Variants in COL4A6 observed in about 807,000 individuals in gnomAD.
COL4A6 encodes collagen alpha-6(IV) chain.
In COL4A6, 59 loss-of-function variants were observed where a neutral mutation model predicts 126.7. The observed-to-expected ratio is 0.47, with a 90% CI of 0.38 to 0.58. COL4A6 has a LOEUF of 0.58. Ranked by LOEUF, COL4A6 falls within the 20% of genes least tolerant of loss-of-function variation. The pLI is 0.00. For synonymous variants in COL4A6, 547 were observed against 496.6 expected, an observed-to-expected ratio of 1.10 and a Z score of -1.35; for missense variants, 1,285 against 1,337.3, an observed-to-expected ratio of 0.96 and a Z score of 0.61.
chrX:108,349,922 T>C (rs1042321293), intron 2 of COL4A6, among the ~76,000 whole-genome samples: 1 of 111,946 alleles, frequency 8.9e-6, no homozygotes, highest in African/African-American at 3.2e-5. Flanking sequence ...GTGAGCCACA[T>C]GTTTTTCTGT....
At chrX:108,281,886 G>C (rs1253868248) in intron 3 of COL4A6, among the ~76,000 whole-genome samples, 1 of 110,789 alleles carries the variant, frequency 9.0e-6, no homozygotes, top group Non-Finnish European at 1.9e-5. Context: ...AGAAAAAGAA[G>C]CAATGGGGAA....
chrX:108,339,054 T>C (rs768033295), intron 2 of COL4A6, among the ~76,000 whole-genome samples: 2 of 111,878 alleles, frequency 1.8e-5, no homozygotes, highest in South Asian at 3.8e-4. Context: ...AAAAAAAATG[T>C]TGGGAATCAG....
intron 2 of COL4A6, among the ~76,000 whole-genome samples, chrX:108,416,198 T>G (rs2148255785): frequency 8.9e-6 from 1 of 112,234 alleles, no homozygotes; most frequent in African/African-American, 3.2e-5. Context: ...TGCCACTTGC[T>G]AGCCTTTGAC....
At position 108,157,413 on chromosome X, in the gene COL4A6, G is replaced by T. The variant is rs145750863; in HGVS notation, c.4813-153C>A. On this transcript the variant is annotated intron_variant, in intron 44 of 44. Coordinates refer to ENST00000334504, the MANE Select transcript of COL4A6 (RefSeq NM_033641.4). Reference sequence around the variant, plus strand: ...CCCAGTTCAAGCCAGCATACCAAGAGCTGTGTTTTAGGGGCAGGGGCTGCT... The same window carrying T: ...CCCAGTTCAAGCCAGCATACCAAGATCTGTGTTTTAGGGGCAGGGGCTGCT... Among the ~76,000 whole-genome samples the T allele has an allele frequency of 0.025, 2,818 of 111,404 alleles. 89 individuals carry two copies. Among genetic ancestry groups the T allele is most frequent in the African/African-American group, 0.088 (2,685 of 30,524 alleles).
chrX:108,203,970 A>AT (rs2035466955), intron 12 of COL4A6, among the ~76,000 whole-genome samples: 1 of 57,367 alleles, frequency 1.7e-5, no homozygotes, highest in Non-Finnish European at 5.2e-5. Context: ...CACCATAAGT[A>AT]TTGAGAGGGT....
At chrX:108,327,076 G>A (rs1381540884) in intron 2 of COL4A6, among the ~76,000 whole-genome samples, 3 of 111,114 alleles carry the variant, frequency 2.7e-5, no homozygotes, top group Non-Finnish European at 5.7e-5. Context: ...ACAAAGACCC[G>A]TACCTGTCTG....
chrX:108,215,791 G>T (rs1449505360), intron 5 of COL4A6, among the ~76,000 whole-genome samples: 1 of 111,000 alleles, frequency 9.0e-6, no homozygotes, highest in Admixed American at 9.5e-5. Context: ...CCCCTTTCGG[G>T]TCTAGGGGTA....
intron 3 of COL4A6, among the ~76,000 whole-genome samples, chrX:108,255,983 G>GT (rs1288186952): frequency 9.0e-6 from 1 of 111,068 alleles, no homozygotes; most frequent in Non-Finnish European, 1.9e-5. Flanking sequence ...AGGAGACCTA[G>GT]TCTCAGCTCT....
At chrX:108,204,249 G>C in intron 12 of COL4A6, 71 bp downstream of exon 12, 4 of 808,765 alleles carry the variant, frequency 4.9e-6, no homozygotes, top group Non-Finnish European at 6.8e-6. Context: ...CTGGTTATTA[G>C]AGTTAAGTTC....
chrX:108,210,637 G>T (rs1400422799), intron 7 of COL4A6, among the ~76,000 whole-genome samples: 2 of 111,949 alleles, frequency 1.8e-5, no homozygotes, highest in Non-Finnish European at 3.8e-5. Context: ...ACTCCACTTG[G>T]CTTACAGTAA....
At chrX:108,267,161 C>G (rs950297203) in intron 3 of COL4A6, among the ~76,000 whole-genome samples, 9 of 111,535 alleles carry the variant, frequency 8.1e-5, no homozygotes, top group African/African-American at 2.9e-4. Context: ...CCTCCATTTT[C>G]AAAGCCAGCA....
At chrX:108,379,420 C>CA (rs1243282318) in intron 2 of COL4A6, among the ~76,000 whole-genome samples, 1 of 102,085 alleles carries the variant, frequency 9.8e-6, no homozygotes, top group African/African-American at 3.6e-5. Context: ...CCACCACTCT[C>CA]AACTAATTAA....
chrX:108,389,069 G>T (rs747917755), intron 2 of COL4A6, among the ~76,000 whole-genome samples: 1 of 111,857 alleles, frequency 8.9e-6, no homozygotes, highest in Non-Finnish European at 1.9e-5. Context: ...ATTGCATTGT[G>T]GTCTGACAGA....
chrX:108,310,778 G>A lies in COL4A6; in HGVS notation c.114C>T (p.Ser38=), dbSNP rs377506539. 1.9e-5 allele frequency: 23 copies of A among 1,208,285 alleles called. No homozygotes were observed. The East Asian group carries it at 4.1e-4, about 22-fold the overall frequency. Residue 38 remains serine (S), a synonymous_variant, in exon 3 of 45, where the codon AGC becomes AGT. Coordinates refer to ENST00000334504, the MANE Select transcript of COL4A6 (RefSeq NM_033641.4). The stretch of plus-strand genomic sequence containing the variant: ...CTCCTTTCTCAGGAAAACACTGACA[G>A]CTCCCACTGCAGTCCTGGCCCCCAC... ...KPCGGQDCSG[S]CQCFPEKGAR... is the part of the protein sequence containing the mutation.
intron 3 of COL4A6, among the ~76,000 whole-genome samples, chrX:108,294,415 G>GTTTTT (rs1569412233): frequency 2.2e-5 from 2 of 90,600 alleles, no homozygotes; most frequent in African/African-American, 5.4e-5. Context: ...TTTTTTTTTG[G>GTTTTT]TGTGTGTGTG....
In COL4A6 at chrX:108,161,670, C is replaced by G. The variant is rs760257011; in HGVS notation, c.4282G>C (p.Ala1428Pro). Reference sequence around the variant, plus strand: ...CCAGGCAGACCAGGATCACCAAGAGCCCCAGGTGGGCCTGGGAGCCCACTG... The same window carrying G: ...CCAGGCAGACCAGGATCACCAAGAGGCCCAGGTGGGCCTGGGAGCCCACTG... The part of the protein sequence containing the change: ...GPSGLPGPPG[A>P]LGDPGLPGLQ... The change falls in exon 42 of 45, where the codon GCT becomes CCT. Residue 1428 changes from alanine (A) to proline (P), a missense_variant. Ala to Pro is a conservative substitution (Grantham distance 27). Coordinates refer to ENST00000334504, the MANE Select transcript of COL4A6 (RefSeq NM_033641.4). 6 of 1,195,515 alleles carry G rather than the reference C, an allele frequency of 5.0e-6. No homozygotes were observed. In the East Asian group the frequency reaches 1.8e-4, roughly 36 times the overall value.
At chrX:108,402,593 A>T in intron 2 of COL4A6, among the ~76,000 whole-genome samples, 1 of 110,326 alleles carries the variant, frequency 9.1e-6, no homozygotes, top group Middle Eastern at 4.7e-3. Flanking sequence ...TTTAGTCTTC[A>T]TTTTCTTATT....
chrX:108,406,813 T>C (rs2041216861), intron 2 of COL4A6, among the ~76,000 whole-genome samples: 1 of 111,734 alleles, frequency 8.9e-6, no homozygotes, highest in Non-Finnish European at 1.9e-5. Context: ...ATACTTTGTA[T>C]ATTTCAATTA....
chrX:108,176,284 C>T (rs1422932014), intron 28 of COL4A6, among the ~76,000 whole-genome samples: 1 of 98,173 alleles, frequency 1.0e-5, no homozygotes, highest in Non-Finnish European at 2.0e-5. Flanking sequence ...GAGATCGTGC[C>T]ACTTCACTCG....
Sources: allele counts gnomAD v4.1 joint callset (sites outside exome capture counted in the v4.1 genomes callset), GRCh38; gene constraint gnomAD v4.1.1; transcripts MANE v1.5; gene names NCBI Gene and HGNC (gene_info 2026-07-23, HGNC 2026-07-21).